The following TBC1D22A variants were observed in gnomAD, a reference collection of about 807,000 sequenced individuals.
The protein encoded by TBC1D22A is putative GTPase activator.
Under a neutral mutation model 60.2 loss-of-function variants are expected in TBC1D22A, and 38 were observed. That is an observed-to-expected ratio of 0.63 (90% CI 0.49 to 0.83). The LOEUF (loss-of-function observed/expected upper bound fraction) is 0.83. Among genes scored for constraint, TBC1D22A ranks in the 40% least tolerant of loss-of-function variants. TBC1D22A has a pLI of 0.00. For missense variants in TBC1D22A, 628 were observed against 701.0 expected (o/e 0.90, Z 1.18); for synonymous variants, 302 against 281.7 (o/e 1.07, Z -0.72).
chr22:46,846,885 C>T (rs1460967557), intron 4 of TBC1D22A, among the ~76,000 whole-genome samples: 2 of 152,332 alleles, frequency 1.3e-5, no homozygotes, highest in East Asian at 3.9e-4. Context: ...GTCATTTCCC[C>T]TTTCTGTACG....
At chr22:46,977,544 G>A (rs893921608) in intron 9 of TBC1D22A, among the ~76,000 whole-genome samples, 4 of 152,104 alleles carry the variant, frequency 2.6e-5, no homozygotes, top group Non-Finnish European at 5.9e-5. Flanking sequence ...CTAGGAAAAA[G>A]AACAAACCAC....
chr22:46,927,693 GA>G (rs1349625976), intron 8 of TBC1D22A, among the ~76,000 whole-genome samples: 2 of 152,048 alleles, frequency 1.3e-5, no homozygotes, highest in African/African-American at 4.8e-5. Context: ...AATCCCCAAG[GA>G]ATCCACTAGA....
intron 10 of TBC1D22A, among the ~76,000 whole-genome samples, chr22:47,034,904 G>C (rs370095709): frequency 6.6e-6 from 1 of 152,142 alleles, no homozygotes; most frequent in East Asian, 1.9e-4. Context: ...CGCGTGTGAC[G>C]CTCTTTGCTT....
Position 46,982,112 on chromosome 22 carries a change from T to C in TBC1D22A, c.1125+7713T>C, listed in dbSNP as rs79143217. ...TGGAGCTTGAGGCTGGGAAGCTGGG[T>C]TGATGTTTGACAGCTCTGGAAAGTC... is the stretch of plus-strand genomic sequence containing the variant. On this transcript the variant is annotated intron_variant, in intron 9 of 12. Transcript: ENST00000337137. 3.7e-3 allele frequency among the ~76,000 whole-genome samples: 562 copies of C among 152,212 alleles called. 3 individuals are homozygous for C. Among genetic ancestry groups the C allele is most frequent in the African/African-American group, 0.013 (533 of 41,522 alleles).
intron 4 of TBC1D22A, among the ~76,000 whole-genome samples, chr22:46,840,516 C>T (rs558836859): frequency 1.4e-4 from 22 of 152,220 alleles, no homozygotes; most frequent in Admixed American, 7.2e-4. Context: ...AGGTGGATCA[C>T]GAGGTCAGAA....
At chr22:46,955,354 T>G (rs1035825884) in intron 8 of TBC1D22A, among the ~76,000 whole-genome samples, 2 of 152,178 alleles carry the variant, frequency 1.3e-5, no homozygotes, top group Non-Finnish European at 2.9e-5. Context: ...CCTGAATAGT[T>G]TCAGAATTTT....
chr22:46,954,230 C>T (rs758878291), intron 8 of TBC1D22A, among the ~76,000 whole-genome samples: 8 of 152,314 alleles, frequency 5.3e-5, no homozygotes, highest in Non-Finnish European at 1.0e-4. Context: ...TTGCAGGCTG[C>T]GTGACTTTGA....
intron 7 of TBC1D22A, among the ~76,000 whole-genome samples, chr22:46,910,822 C>T (rs1280997115): frequency 1.3e-5 from 2 of 150,256 alleles, no homozygotes; most frequent in South Asian, 2.1e-4. Flanking sequence ...GGTAGGAGTA[C>T]GGGCTGATCA....
At chr22:47,133,793 A>G (rs1459013682) in intron 12 of TBC1D22A, among the ~76,000 whole-genome samples, 1 of 152,194 alleles carries the variant, frequency 6.6e-6, no homozygotes, top group Non-Finnish European at 1.5e-5. Context: ...CGTCATGCCA[A>G]TACTTCATTG....
Position 46,982,513 on chromosome 22 carries a change from C to T in TBC1D22A, c.1125+8114C>T, listed in dbSNP as rs375321605. ...CTGGGATTACAGGCGTGAGCCACTGCGCCCGGCCAAGAGACAGTCTTTTTA... is the reference window on the plus strand; with the variant it reads ...CTGGGATTACAGGCGTGAGCCACTGTGCCCGGCCAAGAGACAGTCTTTTTA... On this transcript the variant is annotated intron_variant, in intron 9 of 12. Coordinates refer to ENST00000337137, the MANE Select transcript of TBC1D22A (RefSeq NM_014346.5). 1.6e-4 allele frequency among the ~76,000 whole-genome samples: 25 copies of T among 152,234 alleles called. No individual in the cohort carries two copies. In the East Asian group the frequency reaches 4.1e-3, roughly 25 times the overall value.
chr22:46,957,320 G>C (rs903721864), intron 8 of TBC1D22A, among the ~76,000 whole-genome samples: 27 of 152,230 alleles, frequency 1.8e-4, no homozygotes, highest in Non-Finnish European at 8.8e-5. Context: ...AAAGGAAAGA[G>C]GTTTAACTGA....
At chr22:46,871,812 G>T (rs924099805) in intron 4 of TBC1D22A, among the ~76,000 whole-genome samples, 5 of 152,074 alleles carry the variant, frequency 3.3e-5, no homozygotes, top group African/African-American at 1.2e-4. Flanking sequence ...TAAAAGAAGA[G>T]AAACAATTTA....
chr22:47,148,437 AAG>A (rs2067368555), intron 12 of TBC1D22A, among the ~76,000 whole-genome samples: 1 of 152,212 alleles, frequency 6.6e-6, no homozygotes, highest in Admixed American at 6.5e-5. Flanking sequence ...GGATGTGCCT[AAG>A]AGAGTTTGGT....
intron 8 of TBC1D22A, among the ~76,000 whole-genome samples, chr22:46,935,815 G>A (rs1437151059): frequency 2.0e-5 from 3 of 151,756 alleles, no homozygotes; most frequent in African/African-American, 7.3e-5. Context: ...TGTAGCCTTT[G>A]CTGTTGTGCT....
At chr22:46,908,178 C>T (rs2069628417) in intron 7 of TBC1D22A, among the ~76,000 whole-genome samples, 1 of 152,168 alleles carries the variant, frequency 6.6e-6, no homozygotes, top group Non-Finnish European at 1.5e-5. Context: ...GGAAGACCAG[C>T]CAGGAGACTG....
intron 11 of TBC1D22A, among the ~76,000 whole-genome samples, chr22:47,099,907 A>T (rs1034915802): frequency 6.6e-6 from 1 of 152,094 alleles, no homozygotes; most frequent in African/African-American, 2.4e-5. Flanking sequence ...TGACCTTCAG[A>T]GCCCTTCCAG....
chr22:46,797,675 A>G (rs963531783), intron 4 of TBC1D22A, 55 bp downstream of exon 4: 2 of 1,506,190 alleles, frequency 1.3e-6, no homozygotes, highest in African/African-American at 1.4e-5. Context: ...TGTTTCTGAA[A>G]TAGATCACAT....
At chr22:47,025,305 T>C (rs2062218025) in intron 10 of TBC1D22A, among the ~76,000 whole-genome samples, 1 of 152,260 alleles carries the variant, frequency 6.6e-6, no homozygotes, top group Non-Finnish European at 1.5e-5. Flanking sequence ...TTTTTAATTT[T>C]GCACATGGAA....
chr22:47,088,402 CA>C (rs1368776111), intron 11 of TBC1D22A, among the ~76,000 whole-genome samples: 5 of 152,152 alleles, frequency 3.3e-5, no homozygotes, highest in African/African-American at 9.6e-5. Flanking sequence ...CCTCTCTAGC[CA>C]AAAATAGGAA....
Sources: allele counts gnomAD v4.1 joint callset (sites outside exome capture counted in the v4.1 genomes callset), GRCh38; gene constraint gnomAD v4.1.1; transcripts MANE v1.5; gene names NCBI Gene and HGNC (gene_info 2026-07-23, HGNC 2026-07-21).